Variants in ZCCHC14 observed in about 807,000 individuals in gnomAD.
ZCCHC14 encodes zinc finger CCHC domain-containing protein 14.
In ZCCHC14, 16 loss-of-function variants were observed where a neutral mutation model predicts 85.0. That is an observed-to-expected ratio of 0.19 (90% confidence interval 0.13 to 0.29). The LOEUF (loss-of-function observed/expected upper bound fraction) is 0.29, where lower values mean the gene tolerates loss of function less well. Among genes scored for constraint, ZCCHC14 ranks in the 10% least tolerant of loss-of-function variants. The probability of loss-of-function intolerance (pLI) is 1.00; values close to 1 mark genes in which losing one functional copy is unlikely to be tolerated. For synonymous variants in ZCCHC14, 775 were observed against 630.7 expected, an observed-to-expected ratio of 1.23 and a Z score of -3.43; for missense variants, 1,303 against 1,443.5, an observed-to-expected ratio of 0.90 and a Z score of 1.58.
chr16:87,479,576 T>C (rs553839051), intron 1 of ZCCHC14, among the ~76,000 whole-genome samples: 2 of 152,272 alleles, frequency 1.3e-5, no homozygotes, highest in Admixed American at 1.3e-4. Flanking sequence ...GAAATACAAA[T>C]GAAACCTTAA....
intron 1 of ZCCHC14, chr16:87,467,079 C>G: frequency 1.8e-6 from 1 of 551,062 alleles, no homozygotes; most frequent in Non-Finnish European, 3.2e-6. Flanking sequence ...GAGACAGGGT[C>G]CCGCTATGTT....
intron 2 of ZCCHC14, among the ~76,000 whole-genome samples, chr16:87,454,653 T>C (rs1159559004): frequency 6.6e-6 from 1 of 152,218 alleles, no homozygotes. Context: ...TGAGACCAGA[T>C]GGAAATTCCA....
At chr16:87,455,224 G>A in intron 2 of ZCCHC14, among the ~76,000 whole-genome samples, 1 of 152,264 alleles carries the variant, frequency 6.6e-6, no homozygotes, top group East Asian at 1.9e-4. Flanking sequence ...GGAGGTGGAG[G>A]TTGTGGTGAA....
intron 3 of ZCCHC14, among the ~76,000 whole-genome samples, chr16:87,427,371 G>C (rs1909424850): frequency 6.6e-6 from 1 of 152,216 alleles, no homozygotes; most frequent in South Asian, 2.1e-4. Flanking sequence ...AACAGTGACT[G>C]ACAGCGTACT....
intron 1 of ZCCHC14, among the ~76,000 whole-genome samples, chr16:87,483,757 G>A (rs371869500): frequency 5.3e-5 from 8 of 152,240 alleles, no homozygotes; most frequent in Non-Finnish European, 7.4e-5. Flanking sequence ...AGCAGATCTC[G>A]GCAACAGGTA....
At position 87,413,028 on chromosome 16, in the gene ZCCHC14, G is replaced by A. The variant is rs574666419; in HGVS notation, c.1744+27C>T. On this transcript the variant is annotated intron_variant, in intron 11 of 12. Coordinates refer to ENST00000671377, the MANE Select transcript of ZCCHC14 (RefSeq NM_015144.3). ...TGCCATTCCACAGCTGGGCCAGGTC[G>A]AGCCAGCGCCGCGCACGTGCCCTTA... 45 of 1,613,998 alleles carry A rather than the reference G, an allele frequency of 2.8e-5. 1 individual carries two copies. The highest frequency in any genetic ancestry group is 1.1e-4 in the African/African-American group (8 of 74,922).
chr16:87,421,794 C>CCAGATGG (rs1392995203), intron 4 of ZCCHC14, among the ~76,000 whole-genome samples: 1 of 152,106 alleles, frequency 6.6e-6, no homozygotes, highest in Non-Finnish European at 1.5e-5. Context: ...TTCATCCTGC[C>CCAGATGG]CAGATGGCCT....
At chr16:87,450,274 C>G (rs1910633402) in intron 2 of ZCCHC14, among the ~76,000 whole-genome samples, 1 of 152,156 alleles carries the variant, frequency 6.6e-6, no homozygotes, top group South Asian at 2.1e-4. Context: ...CCTAAAATAT[C>G]AACTGACTTT....
intron 7 of ZCCHC14, chr16:87,417,957 T>G (rs1908882646): frequency 1.8e-6 from 1 of 569,996 alleles, no homozygotes. Context: ...AATGCATGTC[T>G]GTGCACACGT....
At chr16:87,438,808 CCG>C (rs966944344) in intron 2 of ZCCHC14, among the ~76,000 whole-genome samples, 29 of 152,314 alleles carry the variant, frequency 1.9e-4, no homozygotes, top group African/African-American at 6.3e-4. Flanking sequence ...GGTCTTCCTC[CCG>C]CTACAGAGGA....
intron 2 of ZCCHC14, among the ~76,000 whole-genome samples, chr16:87,451,433 G>C (rs1331881034): frequency 6.6e-6 from 1 of 151,686 alleles, no homozygotes; most frequent in Non-Finnish European, 1.5e-5. Flanking sequence ...CCTGACCTCA[G>C]GTGATCCACC....
chr16:87,448,811 G>T (rs527856549), intron 2 of ZCCHC14, among the ~76,000 whole-genome samples: 1 of 152,276 alleles, frequency 6.6e-6, no homozygotes, highest in East Asian at 1.9e-4. Flanking sequence ...ACTTGTCTGT[G>T]TACTTTGCAG....
At chr16:87,472,385 C>A (rs1911810285) in intron 1 of ZCCHC14, 1 of 152,360 alleles carries the variant, frequency 6.6e-6, no homozygotes, top group Admixed American at 6.5e-5. Context: ...ACAGCAAGCG[C>A]CCATTCCACA....
Position 87,420,374 on chromosome 16 carries a change from C to T in ZCCHC14, c.950+233G>A, listed in dbSNP as rs996032181. 6.6e-5 allele frequency among the ~76,000 whole-genome samples: 10 copies of T among 152,342 alleles called. No homozygotes were observed. Among genetic ancestry groups the T allele is most frequent in the Non-Finnish European group, 1.0e-4 (7 of 68,030 alleles). ...TTCACAGGACTGCCAAAGCCCAAGA[C>T]GTGGTGGGACCCACCCTGGAATTCC... On this transcript the variant is annotated intron_variant, in intron 5 of 12. Coordinates refer to ENST00000671377, the MANE Select transcript of ZCCHC14 (RefSeq NM_015144.3). The surrounding 1 kb of genome is among the most constrained non-coding windows in gnomAD (Gnocchi z 5.0).
chr16:87,488,682 A>G (rs1156392504), intron 1 of ZCCHC14, among the ~76,000 whole-genome samples: 1 of 152,172 alleles, frequency 6.6e-6, no homozygotes, highest in Non-Finnish European at 1.5e-5. Context: ...GGATCAGGTA[A>G]TCATCCCACC....
chr16:87,413,744 G>T (rs1908614868), intron 10 of ZCCHC14, among the ~76,000 whole-genome samples: 1 of 151,130 alleles, frequency 6.6e-6, no homozygotes, highest in Non-Finnish European at 1.5e-5. Context: ...GAAGGTCCAT[G>T]GAGAACCATG....
At chr16:87,430,368 C>G (rs1909591548) in intron 3 of ZCCHC14, among the ~76,000 whole-genome samples, 1 of 152,184 alleles carries the variant, frequency 6.6e-6, no homozygotes, top group African/African-American at 2.4e-5. Context: ...TTCTGTCCCA[C>G]TCATCTGTGC....
intron 1 of ZCCHC14, among the ~76,000 whole-genome samples, chr16:87,482,452 G>A (rs1912323437): frequency 1.3e-5 from 2 of 152,228 alleles, no homozygotes; most frequent in South Asian, 2.1e-4. Flanking sequence ...GATCCCAGCC[G>A]GCCCGGCACA....
intron 2 of ZCCHC14, among the ~76,000 whole-genome samples, chr16:87,434,535 C>T (rs1286631181): frequency 1.3e-5 from 2 of 152,250 alleles, no homozygotes; most frequent in South Asian, 2.1e-4. Flanking sequence ...CTTTGTCCAA[C>T]GTGAAATACT....
Sources: allele counts gnomAD v4.1 joint callset (sites outside exome capture counted in the v4.1 genomes callset), GRCh38; gene constraint gnomAD v4.1.1; non-coding constraint Gnocchi (gnomAD v3.1); transcripts MANE v1.5; gene names NCBI Gene and HGNC (gene_info 2026-07-23, HGNC 2026-07-21).